HDAC8: variants seen among roughly 807,000 people sequenced by gnomAD.
The protein encoded by HDAC8 is histone deacetylase 8.
HDAC8 carries 1 observed loss-of-function variant against 32.2 expected under a neutral mutation model. That is an observed-to-expected ratio of 0.03 (90% CI 0.01 to 0.15). The LOEUF is 0.15. Ranked by LOEUF, HDAC8 falls within the 10% of genes least tolerant of loss-of-function variation. HDAC8 has a pLI of 1.00. For missense variants in HDAC8, 117 were observed against 300.0 expected, an observed-to-expected ratio of 0.39 and a Z score of 4.51; for synonymous variants, 108 against 113.9, an observed-to-expected ratio of 0.95 and a Z score of 0.33.
At chrX:72,405,517 T>C (rs1230418333) in intron 9 of HDAC8, among the ~76,000 whole-genome samples, 7 of 112,465 alleles carry the variant, frequency 6.2e-5, no homozygotes, top group African/African-American at 2.3e-4. Context: ...ATTTCTGTCT[T>C]CAGGTCTTTG....
chrX:72,421,375 C>A (rs1555973545), intron 9 of HDAC8, among the ~76,000 whole-genome samples: 1 of 111,678 alleles, frequency 9.0e-6, no homozygotes, highest in Non-Finnish European at 1.9e-5. Flanking sequence ...GCTCTCCCTT[C>A]CCCAACCCCC....
At chrX:72,331,869 G>A (rs1238840059) in intron 10 of HDAC8, among the ~76,000 whole-genome samples, 5 of 111,900 alleles carry the variant, frequency 4.5e-5, no homozygotes, top group Admixed American at 9.5e-5. Context: ...CAATCAAGAT[G>A]CGAAACTATT....
intron 7 of HDAC8, among the ~76,000 whole-genome samples, chrX:72,475,014 G>A (rs1447642831): frequency 9.0e-6 from 1 of 111,245 alleles, no homozygotes; most frequent in Non-Finnish European, 1.9e-5. Context: ...ACCCTTAACC[G>A]ATACTGGTGG....
intron 4 of HDAC8, among the ~76,000 whole-genome samples, chrX:72,558,507 C>A (rs782147123): frequency 1.3e-4 from 14 of 111,869 alleles, no homozygotes; most frequent in African/African-American, 4.2e-4. Flanking sequence ...TCAATAGATG[C>A]AGAAAAAGCA....
chrX:72,556,841 G>T (rs2051299004), intron 4 of HDAC8, among the ~76,000 whole-genome samples: 1 of 111,969 alleles, frequency 8.9e-6, no homozygotes, highest in African/African-American at 3.3e-5. Context: ...CACTAGACAG[G>T]TTATCCAGAC....
At chrX:72,528,093 A>T (rs948904191) in intron 4 of HDAC8, among the ~76,000 whole-genome samples, 51 of 110,814 alleles carry the variant, frequency 4.6e-4, no homozygotes, top group Non-Finnish European at 3.8e-5. Flanking sequence ...CTGTCCTCTT[A>T]GCCCTAGGTA....
intron 3 of HDAC8, 123 bp from the exon 4 acceptor site, chrX:72,568,153 G>C (rs1410961616): frequency 3.7e-6 from 2 of 538,405 alleles, no homozygotes; most frequent in African/African-American, 2.4e-5. Context: ...CTCCAACTGA[G>C]ACAGAAACAA....
intron 9 of HDAC8, among the ~76,000 whole-genome samples, chrX:72,441,533 C>T (rs1032657713): frequency 1.8e-5 from 2 of 111,753 alleles, no homozygotes; most frequent in African/African-American, 6.5e-5. Flanking sequence ...AAAAACCCAT[C>T]TTTACATCAC....
chrX:72,414,417 C>T (rs1689970029), intron 9 of HDAC8, among the ~76,000 whole-genome samples: 1 of 111,478 alleles, frequency 9.0e-6, no homozygotes, highest in African/African-American at 3.3e-5. Flanking sequence ...GAATTTGGAG[C>T]TAGGCTTAGA....
intron 9 of HDAC8, among the ~76,000 whole-genome samples, chrX:72,419,432 T>A (rs1482868175): frequency 8.9e-6 from 1 of 111,840 alleles, no homozygotes; most frequent in Non-Finnish European, 1.9e-5. Context: ...GCACATCTGA[T>A]TTTGTGTAAT....
At chrX:72,351,113 C>T (rs782795575) in intron 10 of HDAC8, among the ~76,000 whole-genome samples, 1 of 104,821 alleles carries the variant, frequency 9.5e-6, no homozygotes, top group East Asian at 2.9e-4. Context: ...GAATTTTCCT[C>T]TTTTTTTTTT....
intron 6 of HDAC8, 120 bp downstream of exon 6, chrX:72,490,809 T>A (rs782353917): frequency 3.1e-4 from 145 of 463,387 alleles, no homozygotes; most frequent in East Asian, 6.2e-4. Context: ...AAAAAAAAAA[T>A]TTTGCATAGG....
intron 7 of HDAC8, among the ~76,000 whole-genome samples, chrX:72,484,424 ATC>A (rs1556004746): frequency 3.2e-4 from 36 of 112,145 alleles, no homozygotes; most frequent in Non-Finnish European, 6.2e-4. Flanking sequence ...TTAACAATGT[ATC>A]TTCCTTTTGG....
intron 9 of HDAC8, among the ~76,000 whole-genome samples, chrX:72,387,031 G>A (rs782573677): frequency 2.7e-5 from 3 of 111,792 alleles, no homozygotes; most frequent in Admixed American, 1.9e-4. Context: ...TTTCTTGAGG[G>A]AATCAAAACC....
At chrX:72,363,460 CCTCT>C (rs1282621934) in intron 9 of HDAC8, among the ~76,000 whole-genome samples, 1 of 110,974 alleles carries the variant, frequency 9.0e-6, no homozygotes, top group Non-Finnish European at 1.9e-5. Flanking sequence ...AAACAACTGC[CCTCT>C]CTCTATCCCT....
At chrX:72,484,522 C>T (rs1394895953) in intron 7 of HDAC8, among the ~76,000 whole-genome samples, 5 of 112,365 alleles carry the variant, frequency 4.4e-5, no homozygotes, top group Non-Finnish European at 9.4e-5. Flanking sequence ...CACCCATACA[C>T]ATTATAAGCA....
chrX:72,422,066 C>A (rs188414280), intron 9 of HDAC8, among the ~76,000 whole-genome samples: 2 of 111,681 alleles, frequency 1.8e-5, no homozygotes, highest in Non-Finnish European at 3.8e-5. Context: ...TTGTTTCTCT[C>A]TTGCTGCTTT....
At chrX:72,554,496 G>A (rs1176052689) in intron 4 of HDAC8, among the ~76,000 whole-genome samples, 6 of 61,079 alleles carry the variant, frequency 9.8e-5, no homozygotes, top group Non-Finnish European at 1.4e-4. Flanking sequence ...GTAGGGCGGG[G>A]GGAGCGGGGA....
chrX:72,330,153 A>G, intron 10 of HDAC8, 77 bp from the exon 11 acceptor site: 1 of 888,332 alleles, frequency 1.1e-6, no homozygotes, highest in African/African-American at 1.9e-5. Context: ...TATTTTTTAA[A>G]AAGCACTTAT....
Sources: gnomAD v4.1 joint callset for allele counts (sites outside exome capture counted in the v4.1 genomes callset) on GRCh38, gnomAD v4.1.1 for gene constraint, MANE v1.5 for transcripts, NCBI Gene and HGNC (gene_info 2026-07-23, HGNC 2026-07-21) for gene names.